The following GATAD2B variants were observed in gnomAD, a reference collection of about 807,000 sequenced individuals.
The protein encoded by GATAD2B is transcriptional repressor p66-beta.
In GATAD2B, 8 loss-of-function variants were observed where a neutral mutation model predicts 64.3. The ratio of observed to expected loss-of-function variants is 0.12; its 90% CI spans 0.07 to 0.22. The LOEUF (loss-of-function observed/expected upper bound fraction) is 0.22. GATAD2B is among the 10% of genes least tolerant of loss of function. GATAD2B has a pLI of 1.00. For synonymous variants in GATAD2B, 281 were observed against 271.3 expected (o/e 1.04, Z -0.35); for missense variants, 453 against 752.0 (o/e 0.60, Z 4.65).
Position 153,816,215 on chromosome 1 carries a change from G to A in GATAD2B, c.1216+58C>T. The A allele has an allele frequency of 2.7e-6, 3 of 1,118,454 alleles. No individual in the cohort carries two copies. Among genetic ancestry groups the A allele is most frequent in the Non-Finnish European group, 4.1e-6 (3 of 740,232 alleles). 69.3% of individuals were successfully genotyped at this position (1,118,454 alleles called of 1,614,324 possible). A position where few individuals can be genotyped will look rare whatever the true frequency, so the allele number is the denominator to read the frequency against. On this transcript the variant is annotated intron_variant, in intron 7 of 10. Coordinates refer to ENST00000368655, the MANE Select transcript of GATAD2B (RefSeq NM_020699.4). The surrounding 1 kb of genome is among the most constrained non-coding windows in gnomAD (Gnocchi z 4.9). ...CAGTACCCTCTGATACTCTGCCTAT[G>A]TCAATCAGGCTTGGCAACCACTTGC...
intron 2 of GATAD2B, among the ~76,000 whole-genome samples, chr1:153,821,470 G>A (rs956277936): frequency 1.2e-4 from 18 of 152,306 alleles, no homozygotes; most frequent in African/African-American, 4.1e-4. Flanking sequence ...GACACAGCAA[G>A]CTGAGAAGGT....
chr1:153,886,838 C>T (rs1395833693), intron 1 of GATAD2B, among the ~76,000 whole-genome samples: 3 of 152,024 alleles, frequency 2.0e-5, no homozygotes, highest in African/African-American at 7.3e-5. Flanking sequence ...GGATTACAGG[C>T]ATGAGCCACT....
rs1674319251 is a variant in GATAD2B, at chr1:153,812,256, C to T, written c.1420-124G>A. The T allele has an allele frequency of 1.9e-5, 12 of 615,798 alleles. No individual in the cohort carries two copies. The Admixed American group carries it at 3.4e-4, about 17-fold the overall frequency. The allele number at this position is 615,798 out of a possible 1,614,324, so 38.1% of individuals were successfully genotyped here. A position where few individuals can be genotyped will look rare whatever the true frequency, so the allele number is the denominator to read the frequency against. On this transcript the variant is annotated intron_variant, in intron 8 of 10. Coordinates refer to ENST00000368655, the MANE Select transcript of GATAD2B (RefSeq NM_020699.4). ...TGTTGCCCAGGCTGGTCTGGCACTC[C>T]TGGGCTCAAGCAATCCTCTCACCTT...
chr1:153,852,017 G>A (rs1322659004), intron 1 of GATAD2B: 8 of 393,668 alleles, frequency 2.0e-5, no homozygotes, highest in Non-Finnish European at 3.6e-5. Flanking sequence ...TCCCAATTTA[G>A]GGTTGCCTAG....
intron 1 of GATAD2B, among the ~76,000 whole-genome samples, chr1:153,870,660 A>G (rs1676634666): frequency 6.6e-6 from 1 of 152,224 alleles, no homozygotes; most frequent in Non-Finnish European, 1.5e-5. Flanking sequence ...ACTTTGCTTT[A>G]TGCACAAAAT....
chr1:153,813,219 C>T (rs1674352574), intron 8 of GATAD2B, 31 bp downstream of exon 8: 3 of 1,576,422 alleles, frequency 1.9e-6, no homozygotes, highest in Non-Finnish European at 2.6e-6. Flanking sequence ...CAAACTGGGA[C>T]AGGTGGCCAG....
intron 1 of GATAD2B, among the ~76,000 whole-genome samples, chr1:153,919,353 G>A (rs1678360646): frequency 6.6e-6 from 1 of 152,058 alleles, no homozygotes; most frequent in South Asian, 2.1e-4. Context: ...AATGACCCTG[G>A]GACACTCCCT....
At chr1:153,839,578 GATC>G (rs1262722805) in intron 1 of GATAD2B, among the ~76,000 whole-genome samples, 1 of 152,146 alleles carries the variant, frequency 6.6e-6, no homozygotes, top group Non-Finnish European at 1.5e-5. Context: ...TAGTCTAAAA[GATC>G]ATAAGATGGT....
intron 1 of GATAD2B, among the ~76,000 whole-genome samples, chr1:153,898,097 A>G (rs1677654869): frequency 6.6e-6 from 1 of 151,726 alleles, no homozygotes; most frequent in Non-Finnish European, 1.5e-5. Flanking sequence ...TCAGTCCAGG[A>G]GTCTGAGATC....
intron 1 of GATAD2B, among the ~76,000 whole-genome samples, chr1:153,856,852 T>C (rs1039098583): frequency 6.6e-6 from 1 of 152,084 alleles, no homozygotes; most frequent in African/African-American, 2.4e-5. Context: ...TCCATGACAT[T>C]TAATTGAGCA....
At chr1:153,900,421 AAAAAG>A (rs535021240) in intron 1 of GATAD2B, among the ~76,000 whole-genome samples, 290 of 152,292 alleles carry the variant, frequency 1.9e-3, no homozygotes, top group Non-Finnish European at 8.1e-4. Flanking sequence ...GTCTCAAAAA[AAAAAG>A]AAAAGAAAAG....
intron 1 of GATAD2B, among the ~76,000 whole-genome samples, chr1:153,896,826 C>A (rs1316012455): frequency 6.6e-6 from 1 of 152,136 alleles, no homozygotes; most frequent in Non-Finnish European, 1.5e-5. Context: ...ATGCTATATT[C>A]TGCTAACACA....
chr1:153,837,667 C>A (rs981643391), intron 1 of GATAD2B, among the ~76,000 whole-genome samples: 1 of 151,972 alleles, frequency 6.6e-6, no homozygotes, highest in South Asian at 2.1e-4. Context: ...TTAGGGTGAT[C>A]GGAAATGTTC....
chr1:153,877,256 T>A (rs1287003085), intron 1 of GATAD2B, among the ~76,000 whole-genome samples: 1 of 151,816 alleles, frequency 6.6e-6, no homozygotes, highest in East Asian at 1.9e-4. Flanking sequence ...GGCAAAAGGA[T>A]CACTTGAGCC....
intron 1 of GATAD2B, among the ~76,000 whole-genome samples, chr1:153,888,191 A>G (rs1468072065): frequency 2.0e-5 from 3 of 152,162 alleles, no homozygotes; most frequent in Non-Finnish European, 4.4e-5. Context: ...ATACAGCACA[A>G]GATGTGTCTA....
Position 153,813,288 on chromosome 1 carries a change from G to C in GATAD2B, c.1381C>G (p.Leu461Val). 1 of 1,614,104 alleles carries C rather than the reference G, an allele frequency of 6.2e-7. No individual in the cohort carries two copies. The highest frequency in any genetic ancestry group is 8.5e-7 in the Non-Finnish European group (1 of 1,180,012). The change falls in exon 8 of 11, where the codon CTG (leucine) becomes GTG (valine). Residue 461 changes from leucine (L) to valine (V), a missense_variant. Leu to Val is a conservative substitution (Grantham distance 32). Transcript: ENST00000368655. ...AGGGCTTTCACAAATGCATTTTTCA[G>C]CCGGTTGGTGTGTTCAGCTTTTAGA... ...KALKAEHTNR[L>V]KNAFVKALQQ...
At chr1:153,902,472 G>A (rs1343054436) in intron 1 of GATAD2B, among the ~76,000 whole-genome samples, 2 of 151,238 alleles carry the variant, frequency 1.3e-5, no homozygotes, top group East Asian at 1.9e-4. Context: ...TCCTTTTTTT[G>A]AGACAGGGTC....
intron 1 of GATAD2B, among the ~76,000 whole-genome samples, chr1:153,922,335 T>C (rs1423763290): frequency 1.8e-5 from 2 of 109,990 alleles, no homozygotes; most frequent in African/African-American, 7.2e-5. Flanking sequence ...GAGGGGAGCA[T>C]GGCGGGCATG....
intron 1 of GATAD2B, among the ~76,000 whole-genome samples, chr1:153,908,177 G>A: frequency 6.6e-6 from 1 of 152,016 alleles, no homozygotes; most frequent in South Asian, 2.1e-4. Flanking sequence ...TATGTGCCAG[G>A]TTTACCATTA....
Sources: allele counts gnomAD v4.1 joint callset (sites outside exome capture counted in the v4.1 genomes callset), GRCh38; gene constraint gnomAD v4.1.1; non-coding constraint Gnocchi (gnomAD v3.1); transcripts MANE v1.5; gene names NCBI Gene and HGNC (gene_info 2026-07-23, HGNC 2026-07-21).